APOBR: variants seen among roughly 807,000 people sequenced by gnomAD.
APOBR encodes apoB-48R.
In APOBR, 57 loss-of-function variants were observed where a neutral mutation model predicts 88.5. The ratio of observed to expected loss-of-function variants is 0.64; its 90% CI spans 0.52 to 0.80. The LOEUF (loss-of-function observed/expected upper bound fraction) is 0.80, where lower values mean the gene tolerates loss of function less well. APOBR is among the 30% of genes least tolerant of loss of function. The pLI is 0.00. For synonymous variants in APOBR, 588 were observed against 572.7 expected, an observed-to-expected ratio of 1.03 and a Z score of -0.38; for missense variants, 1,443 against 1,401.6, an observed-to-expected ratio of 1.03 and a Z score of -0.47.
Position 28,495,244 on chromosome 16 carries a change from A to G in APOBR, c.203A>G (p.Glu68Gly). Residue 68 changes from glutamate (E) to glycine (G), a missense_variant, in exon 2 of 4, where the codon GAG becomes GGG. Physicochemically the swap from Glu to Gly is moderately conservative, Grantham distance 98. Transcript: ENST00000564831. Reference protein sequence around the residue: ...IVEEEAQEDLEGLRGSQNEGA... With the variant: ...IVEEEAQEDLGGLRGSQNEGA... ...GAGGAGGAAGCCCAGGAGGACCTGG[A>G]GGGCCTTAGAGGCAGCCAAAACGAG... is the stretch of plus-strand genomic sequence containing the variant. 6.6e-7 allele frequency: 1 copy of G among 1,526,308 alleles called. No individual in the cohort carries two copies. The highest frequency in any genetic ancestry group is 1.4e-5 in the African/African-American group (1 of 71,984). 94.5% of individuals were successfully genotyped at this position (1,526,308 alleles called of 1,614,324 possible).
At position 28,497,816 on chromosome 16, in the gene APOBR, C is replaced by A; in HGVS notation, c.2775C>A (p.Thr925=). The change falls in exon 2 of 4, where the codon ACC becomes ACA. Residue 925 remains threonine, a synonymous_variant. Coordinates refer to ENST00000564831, the MANE Select transcript of APOBR (RefSeq NM_018690.4). ...TTGATGCAGAGGGTCTCATGGTGAC[C>A]GGGGGCCGGAGGGCAGAGGCCAAGG... ...RLLDAEGLMV[T]GGRRAEAKET... is the part of the protein sequence containing the mutation. 1 of 1,606,492 alleles carries A rather than the reference C, an allele frequency of 6.2e-7. No individual in the cohort carries two copies. The highest frequency in any genetic ancestry group is 1.7e-5 in the Admixed American group (1 of 58,236).
In APOBR at chr16:28,498,184, C is replaced by T. The variant is rs1221960466; in HGVS notation, c.3059C>T (p.Thr1020Ile). 6.2e-7 allele frequency: 1 copy of T among 1,603,592 alleles called. No homozygotes were observed. The highest frequency in any genetic ancestry group is 2.2e-5 in the East Asian group (1 of 44,792). Residue 1020 changes from threonine to isoleucine, a missense_variant, in exon 3 of 4, where the codon ACT (threonine) becomes ATT (isoleucine). Thr to Ile is a moderately conservative substitution (Grantham distance 89, BLOSUM62 -1). Coordinates refer to ENST00000564831, the MANE Select transcript of APOBR (RefSeq NM_018690.4). ...QRRSRPSFRR[T>I]PAWEQQEEPP... ...CGCTCCCGGCCCTCTTTTCGTCGGA[C>T]TCCGGCCTGGGAGCAGCAGGAGGAG...
chr16:28,496,173 A>T lies in APOBR; in HGVS notation c.1132A>T (p.Lys378Ter), dbSNP rs373721219. 1 of 1,556,742 alleles carries T rather than the reference A, an allele frequency of 6.4e-7. No individual in the cohort carries two copies. ...GGACGAGGCCTGGACAACCTCAGGCAAAGAGGAGGCTGACCTGCTGGGAGT... is the reference window on the plus strand; with the variant it reads ...GGACGAGGCCTGGACAACCTCAGGCTAAGAGGAGGCTGACCTGCTGGGAGT... ...GGDEAWTTSG[K>*]EEADLLGVRQ... is the part of the protein sequence containing the mutation. Residue 378 changes from lysine (K) to a stop codon, truncating the protein, a stop_gained, in exon 2 of 4, where the codon AAA becomes TAA. Transcript: ENST00000564831. LOFTEE classifies it high-confidence loss of function.
In APOBR at chr16:28,498,223, A is replaced by C. The variant is rs1420823609; in HGVS notation, c.3098A>C (p.Asn1033Thr). Reference protein sequence around the residue: ...WEQQEEPPAPNPPEEELSAPE... With the variant: ...WEQQEEPPAPTPPEEELSAPE... ...CAGCAGGAGGAGCCCCCAGCCCCCA[A>C]CCCTCCTGAGGAGGAGCTGTCAGCT... Residue 1033 changes from asparagine (N) to threonine (T), a missense_variant, in exon 3 of 4, where the codon AAC (asparagine) becomes ACC (threonine). Physicochemically the swap from Asn to Thr is moderately conservative, Grantham distance 65. Coordinates refer to ENST00000564831, the MANE Select transcript of APOBR (RefSeq NM_018690.4). 1.2e-6 allele frequency: 2 copies of C among 1,606,808 alleles called. No homozygotes were observed. The highest frequency in any genetic ancestry group is 1.7e-5 in the Admixed American group (1 of 59,256).
rs776508462 is a variant in APOBR, at chr16:28,498,157, G to A, written c.3032G>A (p.Arg1011His). Reference sequence around the variant, plus strand: ...CACCTCTCGAGAAGCTCCTCACAGCGTCGCTCCCGGCCCTCTTTTCGTCGG... The same window carrying A: ...CACCTCTCGAGAAGCTCCTCACAGCATCGCTCCCGGCCCTCTTTTCGTCGG... ...RVHLSRSSSQ[R>H]RSRPSFRRTP... Residue 1011 changes from arginine to histidine, a missense_variant, in exon 3 of 4, where the codon CGT becomes CAT. Coordinates refer to ENST00000564831, the MANE Select transcript of APOBR (RefSeq NM_018690.4). The A allele has an allele frequency of 3.1e-5, 49 of 1,600,218 alleles. No homozygotes were observed. Among genetic ancestry groups the A allele is most frequent in the East Asian group, 8.9e-5 (4 of 44,826 alleles).
Position 28,497,440 on chromosome 16 carries a change from C to G in APOBR, c.2399C>G (p.Ala800Gly), listed in dbSNP as rs768024053. 1 of 1,613,848 alleles carries G rather than the reference C, an allele frequency of 6.2e-7. No homozygotes were observed. Among genetic ancestry groups the G allele is most frequent in the South Asian group, 1.1e-5 (1 of 91,066 alleles). ...TCGAAAGAAAAGGAAGAGGCAGCAG[C>G]AGGAGAGCATGCAGGTGGGCAAGAA... Reference protein sequence around the residue: ...WDSKEKEEAAAGEHAGGQEFG... With the variant: ...WDSKEKEEAAGGEHAGGQEFG... The change falls in exon 2 of 4, where the codon GCA becomes GGA. Residue 800 changes from alanine (A) to glycine (G), a missense_variant. By Grantham distance (60) the Ala-to-Gly change is moderately conservative. Transcript: ENST00000564831.
In APOBR at chr16:28,497,855, A is replaced by C; in HGVS notation, c.2814A>C (p.Glu938Asp). ...RRAEAKETEP[E>D]SLEHVRGQEE... ...CAGAGGCCAAGGAGACTGAGCCAGA[A>C]AGCCTGGAACATGTCAGGGGCCAGG... The change falls in exon 2 of 4, where the codon GAA (glutamate) becomes GAC (aspartate). Residue 938 changes from glutamate to aspartate, a missense_variant. Coordinates refer to ENST00000564831, the MANE Select transcript of APOBR (RefSeq NM_018690.4). The C allele has an allele frequency of 6.2e-7, 1 of 1,611,718 alleles. No homozygotes were observed. The highest frequency in any genetic ancestry group is 8.5e-7 in the Non-Finnish European group (1 of 1,178,998).
chr16:28,497,881 A>G lies in APOBR; in HGVS notation c.2840A>G (p.Glu947Gly). ...AGCCTGGAACATGTCAGGGGCCAGG[A>G]GGAGCAGCCAACACACCAGGCCCCT... is the stretch of plus-strand genomic sequence containing the variant. The part of the protein sequence containing the change: ...PESLEHVRGQ[E>G]EQPTHQAPAE... Residue 947 changes from glutamate (E) to glycine (G), a missense_variant, in exon 2 of 4, where the codon GAG (glutamate) becomes GGG (glycine). Transcript: ENST00000564831. The G allele has an allele frequency of 6.2e-7, 1 of 1,613,194 alleles. No individual in the cohort carries two copies. Among genetic ancestry groups the G allele is most frequent in the Non-Finnish European group, 8.5e-7 (1 of 1,179,574 alleles).
rs369337303 is a variant in APOBR, at chr16:28,495,301, A to C, written c.260A>C (p.Asp87Ala). 3.3e-6 allele frequency: 5 copies of C among 1,538,320 alleles called. No homozygotes were observed. The African/African-American group carries it at 6.9e-5, about 21-fold the overall frequency. Residue 87 changes from aspartate (D) to alanine (A), a missense_variant, in exon 2 of 4, where the codon GAC becomes GCC. Coordinates refer to ENST00000564831, the MANE Select transcript of APOBR (RefSeq NM_018690.4). ...GAGRLRGPGD[D>A]RRHEVGSSAV... Reference sequence around the variant, plus strand: ...GGAAGGCTGAGAGGGCCTGGAGATGACAGAAGACATGAAGTGGGGAGCTCA... The same window carrying C: ...GGAAGGCTGAGAGGGCCTGGAGATGCCAGAAGACATGAAGTGGGGAGCTCA...
At chr16:28,498,040 C>T (rs535092233) in intron 2 of APOBR, 41 bp from the exon 3 acceptor site, 58 of 1,546,236 alleles carry the variant, frequency 3.8e-5, no homozygotes, top group African/African-American at 5.5e-5. Context: ...AGTGGAATCC[C>T]GAAGCCGGCC....
chr16:28,495,135 G>C lies in APOBR; in HGVS notation c.94G>C (p.Asp32His). 6.5e-7 allele frequency: 1 copy of C among 1,548,992 alleles called. No homozygotes were observed. Among genetic ancestry groups the C allele is most frequent in the Non-Finnish European group, 8.7e-7 (1 of 1,151,696 alleles). Residue 32 changes from aspartate to histidine, a missense_variant, in exon 2 of 4, where the codon GAT becomes CAT. Coordinates refer to ENST00000564831, the MANE Select transcript of APOBR (RefSeq NM_018690.4). ...LGTFVSYLLG[D>H]AVPTVEREAQ... ...CACCTTTGTCTCCTACCTCCTGGGA[G>C]ATGCAGTCCCCACTGTAGAGCGGGA...
rs577229975 is a variant in APOBR at position 28,498,702 on chromosome 16, C to T, written c.*197C>T. The T allele has an allele frequency of 1.7e-4, 116 of 663,366 alleles. No individual in the cohort carries two copies. The highest frequency in any genetic ancestry group is 3.8e-4 in the African/African-American group (21 of 55,190). 41.1% of individuals were successfully genotyped at this position (663,366 alleles called of 1,614,324 possible). ...CGTGAACTTAAGGAGTCTGATTCTC[C>T]GACACAGGCTGGTGGACCACCTACC... is the stretch of plus-strand genomic sequence containing the variant. On this transcript the variant is annotated 3_prime_UTR_variant, in exon 4 of 4. Transcript: ENST00000564831.
In APOBR at chr16:28,496,026, G is replaced by C. The variant is rs773667784; in HGVS notation, c.985G>C (p.Gly329Arg). 3 of 1,596,166 alleles carry C rather than the reference G, an allele frequency of 1.9e-6. No individual in the cohort carries two copies. Among genetic ancestry groups the C allele is most frequent in the Non-Finnish European group, 2.6e-6 (3 of 1,171,656 alleles). Residue 329 changes from glycine (G) to arginine (R), a missense_variant, in exon 2 of 4, where the codon GGG becomes CGG. Physicochemically the swap from Gly to Arg is moderately radical, Grantham distance 125. Coordinates refer to ENST00000564831, the MANE Select transcript of APOBR (RefSeq NM_018690.4). ...AETASGGEEAGTASGGEEAGI... is the reference protein window; with the variant it reads ...AETASGGEEARTASGGEEAGI... ...AACAGCCTCAGGCGGGGAGGAGGCCGGGACAGCCTCGGGAGGGGAGGAGGC... is the reference window on the plus strand; with the variant it reads ...AACAGCCTCAGGCGGGGAGGAGGCCCGGACAGCCTCGGGAGGGGAGGAGGC...
In APOBR at chr16:28,496,151, C is replaced by T. The variant is rs767046577; in HGVS notation, c.1110C>T (p.Asp370=). 26 of 1,505,658 alleles carry T rather than the reference C, an allele frequency of 1.7e-5. No homozygotes were observed. The highest frequency in any genetic ancestry group is 1.2e-4 in the African/African-American group (8 of 65,162). The allele number at this position is 1,505,658 out of a possible 1,614,324, so 93.3% of individuals were successfully genotyped here. A position where few individuals can be genotyped will look rare whatever the true frequency, so the allele number is the denominator to read the frequency against. Residue 370 remains aspartate, a synonymous_variant, in exon 2 of 4, where the codon GAC becomes GAT. Coordinates refer to ENST00000564831, the MANE Select transcript of APOBR (RefSeq NM_018690.4). The stretch of plus-strand genomic sequence containing the variant: ...AGGCCGGGACAGCCTCAGGAGGGGA[C>T]GAGGCCTGGACAACCTCAGGCAAAG... ...GEEAGTASGG[D]EAWTTSGKEE...
rs764995969 is a variant in APOBR at position 28,496,104 on chromosome 16, GGGA to G, written c.1064_1066del (p.Gly355_Thr356delinsAla). On this transcript the variant is annotated inframe_deletion, in exon 2 of 4. Coordinates refer to ENST00000564831, the MANE Select transcript of APOBR (RefSeq NM_018690.4). ...GACAGCCTCAGGAGGGGAGGAGGCCGGGACAGCCTCAGGAGGGGAGGAGGCCGG... is the reference window on the plus strand; with the variant it reads ...GACAGCCTCAGGAGGGGAGGAGGCCGCAGCCTCAGGAGGGGAGGAGGCCGG... 4.2e-6 allele frequency: 6 copies of G among 1,440,922 alleles called. No individual in the cohort carries two copies. In the South Asian group the frequency reaches 7.8e-5, roughly 19 times the overall value. The allele number at this position is 1,440,922 out of a possible 1,614,324, so 89.3% of individuals were successfully genotyped here.
At position 28,497,663 on chromosome 16, in the gene APOBR, TG is replaced by T; in HGVS notation, c.2628del (p.Leu877PhefsTer2). 1 of 1,602,430 alleles carries T rather than the reference TG, an allele frequency of 6.2e-7. No homozygotes were observed. ...AGGGGATGGGAGCCATGGTGGAGGC[TG>T]GGGGGCTTCTAGAAAAGTGGACGCT... ...AEGMGAMVEA[G>X]GLLEKWTLLE... On this transcript the variant is annotated frameshift_variant, in exon 2 of 4. Coordinates refer to ENST00000564831, the MANE Select transcript of APOBR (RefSeq NM_018690.4). LOFTEE classifies it high-confidence loss of function.
chr16:28,498,020 G>T, intron 2 of APOBR, 24 bp downstream of exon 2: 1 of 1,559,698 alleles, frequency 6.4e-7, no homozygotes, highest in Non-Finnish European at 8.6e-7. Context: ...GTGGGGTCTC[G>T]GGGGGAACGA....
Position 28,495,713 on chromosome 16 carries a change from G to A in APOBR, c.672G>A (p.Met224Ile). 6.5e-7 allele frequency: 1 copy of A among 1,529,122 alleles called. No homozygotes were observed. Among genetic ancestry groups the A allele is most frequent in the African/African-American group, 1.4e-5 (1 of 72,692 alleles). The allele number at this position is 1,529,122 out of a possible 1,614,324, so 94.7% of individuals were successfully genotyped here. A position where few individuals can be genotyped will look rare whatever the true frequency, so the allele number is the denominator to read the frequency against. ...GPKAAGDNRE[M>I]EQGVREADAG... ...AGGCGGCAGGGGACAACCGGGAGAT[G>A]GAGCAGGGGGTCAGGGAGGCAGATG... is the stretch of plus-strand genomic sequence containing the variant. Residue 224 changes from methionine to isoleucine, a missense_variant, in exon 2 of 4, where the codon ATG (methionine) becomes ATA (isoleucine). Met to Ile is a conservative substitution (Grantham distance 10, BLOSUM62 1). Coordinates refer to ENST00000564831, the MANE Select transcript of APOBR (RefSeq NM_018690.4).
In APOBR at chr16:28,496,178, G is replaced by A; in HGVS notation, c.1137G>A (p.Glu379=). The stretch of plus-strand genomic sequence containing the variant: ...AGGCCTGGACAACCTCAGGCAAAGA[G>A]GAGGCTGACCTGCTGGGAGTCAGAC... ...GDEAWTTSGK[E]EADLLGVRQT... Residue 379 remains glutamate, a synonymous_variant, in exon 2 of 4, where the codon GAG becomes GAA. Transcript: ENST00000564831. 2.6e-6 allele frequency: 4 copies of A among 1,558,736 alleles called. No homozygotes were observed. The highest frequency in any genetic ancestry group is 3.5e-6 in the Non-Finnish European group (4 of 1,154,890).
Sources: gnomAD v4.1 joint callset for allele counts on GRCh38, gnomAD v4.1.1 for gene constraint, MANE v1.5 for transcripts, NCBI Gene and HGNC (gene_info 2026-07-23, HGNC 2026-07-21) for gene names.